The following EPHA3 variants were observed in gnomAD, a reference collection of about 807,000 sequenced individuals.
EPHA3 encodes the protein EPH receptor A3.
A neutral mutation model predicts 107.1 loss-of-function variants in EPHA3; 42 were observed. The observed-to-expected ratio is 0.39, with a 90% CI of 0.31 to 0.51. The LOEUF (loss-of-function observed/expected upper bound fraction) is 0.51, where lower values mean the gene tolerates loss of function less well. Ranked by LOEUF, EPHA3 falls within the 20% of genes least tolerant of loss-of-function variation. The pLI is 0.78. For synonymous variants in EPHA3, 461 were observed against 424.8 expected (o/e 1.09, Z -1.05); for missense variants, 1,183 against 1,211.2 (o/e 0.98, Z 0.35).
At chr3:89,416,526 T>C (rs1709251839) in intron 10 of EPHA3, among the ~76,000 whole-genome samples, 1 of 151,490 alleles carries the variant, frequency 6.6e-6, no homozygotes, top group African/African-American at 2.4e-5. Context: ...AGTTCAGCTA[T>C]TTAAGTATAC....
At chr3:89,435,347 C>A (rs550835764) in intron 13 of EPHA3, among the ~76,000 whole-genome samples, 1 of 150,924 alleles carries the variant, frequency 6.6e-6, no homozygotes, top group Non-Finnish European at 1.5e-5. Flanking sequence ...CGCCTATAAT[C>A]TTGACACTTC....
At position 89,442,897 on chromosome 3, in the gene EPHA3, A is replaced by G. The variant is rs1709811218; in HGVS notation, c.2347-6328A>G. On this transcript the variant is annotated intron_variant, in intron 13 of 16. Coordinates refer to ENST00000336596, the MANE Select transcript of EPHA3 (RefSeq NM_005233.6). Reference sequence around the variant, plus strand: ...AAAATTTCATTTTCATTTGGTTTCAATTAAACACTTAAATTACTTACCACC... The same window carrying G: ...AAAATTTCATTTTCATTTGGTTTCAGTTAAACACTTAAATTACTTACCACC... Among the ~76,000 whole-genome samples, 3 of 152,226 alleles carry G rather than the reference A, an allele frequency of 2.0e-5. No individual in the cohort carries two copies. The South Asian group carries it at 6.2e-4, about 32-fold the overall frequency.
chr3:89,409,437 G>T (rs1709115767), intron 9 of EPHA3, among the ~76,000 whole-genome samples: 1 of 151,888 alleles, frequency 6.6e-6, no homozygotes, highest in Admixed American at 6.6e-5. Context: ...AGACCATGCT[G>T]ATTTGATTTT....
chr3:89,307,108 C>G (rs1706642906), intron 3 of EPHA3, among the ~76,000 whole-genome samples: 1 of 152,094 alleles, frequency 6.6e-6, no homozygotes, highest in Non-Finnish European at 1.5e-5. Flanking sequence ...AATTCCTATT[C>G]CTCATGTGCA....
At chr3:89,476,617 A>ATTTATTTATTTATTTATTTATTTT (rs1553697737) in intron 16 of EPHA3, among the ~76,000 whole-genome samples, 18 of 145,470 alleles carry the variant, frequency 1.2e-4, no homozygotes, top group African/African-American at 4.1e-4. Context: ...TTATTTATTT[A>ATTTATTTATTTATTTATTTATTTT]ATTTTTTTGA....
chr3:89,375,392 T>TA (rs1708383751), intron 5 of EPHA3, among the ~76,000 whole-genome samples: 1 of 151,550 alleles, frequency 6.6e-6, no homozygotes, highest in Admixed American at 6.6e-5. Context: ...CAGGGGAGCA[T>TA]AAAAATGAAA....
chr3:89,395,808 C>T (rs1274963781), intron 5 of EPHA3, 29 bp from the exon 6 acceptor site: 4 of 1,611,724 alleles, frequency 2.5e-6, no homozygotes, highest in African/African-American at 1.3e-5. Flanking sequence ...TGCTTCCTTC[C>T]ACCTTCCCCT....
intron 3 of EPHA3, among the ~76,000 whole-genome samples, chr3:89,283,688 A>G (rs189988467): frequency 7.2e-5 from 11 of 152,240 alleles, no homozygotes; most frequent in Admixed American, 2.6e-4. Context: ...ATCATATTAT[A>G]ACTCTTCAGA....
At chr3:89,432,024 G>C (rs1399627174) in intron 13 of EPHA3, among the ~76,000 whole-genome samples, 1 of 151,892 alleles carries the variant, frequency 6.6e-6, no homozygotes, top group African/African-American at 2.4e-5. Context: ...ACATGTAGTA[G>C]GTTGCTGTAT....
chr3:89,206,195 C>A (rs1706099410), intron 2 of EPHA3, among the ~76,000 whole-genome samples: 1 of 152,144 alleles, frequency 6.6e-6, no homozygotes. Context: ...GCAAAGAATG[C>A]TGGTTCTGTT....
chr3:89,304,471 G>A (rs1706564112), intron 3 of EPHA3, among the ~76,000 whole-genome samples: 1 of 151,554 alleles, frequency 6.6e-6, no homozygotes. Context: ...CCTACCACTC[G>A]AGGCACACTA....
chr3:89,401,528 A>C (rs992352702), intron 7 of EPHA3, among the ~76,000 whole-genome samples: 18 of 152,226 alleles, frequency 1.2e-4, no homozygotes, highest in African/African-American at 4.3e-4. Flanking sequence ...TAACATTAGT[A>C]CTTCTAAGAC....
At chr3:89,390,651 C>T (rs1251294108) in intron 5 of EPHA3, among the ~76,000 whole-genome samples, 1 of 150,728 alleles carries the variant, frequency 6.6e-6, no homozygotes, top group Non-Finnish European at 1.5e-5. Context: ...TTATATATGT[C>T]AACTAGTCAT....
chr3:89,196,820 C>T (rs1406632981), intron 2 of EPHA3, among the ~76,000 whole-genome samples: 1 of 152,118 alleles, frequency 6.6e-6, no homozygotes, highest in African/African-American at 2.4e-5. Context: ...GCATAAATCA[C>T]ATTCAACACT....
intron 5 of EPHA3, among the ~76,000 whole-genome samples, chr3:89,368,815 A>C (rs1228308622): frequency 1.3e-5 from 2 of 148,750 alleles, no homozygotes; most frequent in African/African-American, 5.0e-5. Context: ...TTCACCCAGA[A>C]AAAACAAAAA....
chr3:89,476,604 TA>T (rs1278729743), intron 16 of EPHA3, among the ~76,000 whole-genome samples: 5 of 143,748 alleles, frequency 3.5e-5, no homozygotes, highest in African/African-American at 7.7e-5. Flanking sequence ...TTTATTTATT[TA>T]TTTATTTATT....
Position 89,210,166 on chromosome 3 carries a change from C to G in EPHA3, c.460C>G (p.Gln154Glu), listed in dbSNP as rs1249441630. Residue 154 changes from glutamine to glutamate, a missense_variant, in exon 3 of 17, where the codon CAA (glutamine) becomes GAA (glutamate). By Grantham distance (29) the Gln-to-Glu change is conservative. Transcript: ENST00000336596. ...CATTGCAGCTGATGAAAGTTTCACT[C>G]AAATGGATCTTGGGGACCGTATTCT... is the stretch of plus-strand genomic sequence containing the variant. ...DTIAADESFT[Q>E]MDLGDRILKL... The G allele has an allele frequency of 1.2e-6, 2 of 1,613,854 alleles. No individual in the cohort carries two copies. The highest frequency in any genetic ancestry group is 3.3e-5 in the Admixed American group (2 of 59,984).
chr3:89,122,750 C>T (rs1213116603), intron 1 of EPHA3, among the ~76,000 whole-genome samples: 2 of 152,196 alleles, frequency 1.3e-5, no homozygotes, highest in Admixed American at 6.5e-5. Context: ...GAAACTTGTA[C>T]ATTTTTAATC....
intron 6 of EPHA3, among the ~76,000 whole-genome samples, chr3:89,396,547 A>G (rs1290510251): frequency 6.6e-6 from 1 of 152,170 alleles, no homozygotes; most frequent in South Asian, 2.1e-4. Context: ...TTTTACCCCA[A>G]ATTTAAAAAT....
Sources: gnomAD v4.1 joint callset for allele counts (sites outside exome capture counted in the v4.1 genomes callset) on GRCh38, gnomAD v4.1.1 for gene constraint, MANE v1.5 for transcripts, NCBI Gene and HGNC (gene_info 2026-07-23, HGNC 2026-07-21) for gene names.